CRNKL1: variants seen among roughly 807,000 people sequenced by gnomAD.
CRNKL1 encodes the protein crooked neck pre-mRNA splicing factor 1, also known as crooked neck-like protein 1.
CRNKL1 carries 35 observed loss-of-function variants against 103.7 expected under a neutral mutation model. The ratio of observed to expected loss-of-function variants is 0.34; its 90% CI spans 0.26 to 0.45. The LOEUF is 0.45. Ranked by LOEUF, CRNKL1 falls within the 20% of genes least tolerant of loss-of-function variation. CRNKL1 has a pLI of 1.00. For missense variants in CRNKL1, 645 were observed against 836.0 expected, an observed-to-expected ratio of 0.77 and a Z score of 2.82; for synonymous variants, 267 against 282.6, an observed-to-expected ratio of 0.94 and a Z score of 0.55.
intron 5 of CRNKL1, among the ~76,000 whole-genome samples, chr20:20,046,613 T>C (rs1269413595): frequency 6.6e-6 from 1 of 152,246 alleles, no homozygotes; most frequent in East Asian, 1.9e-4. Flanking sequence ...GAACTCATCC[T>C]GGCAGATTCT....
intron 13 of CRNKL1, 54 bp from the exon 14 acceptor site, chr20:20,036,416 T>A (rs2043420056): frequency 2.6e-6 from 4 of 1,541,630 alleles, no homozygotes; most frequent in Non-Finnish European, 2.7e-6. Flanking sequence ...TACTCACATA[T>A]CAGAGTGAAG....
At chr20:20,052,777 AGG>A (rs1201813006), upstream of CRNKL1, 7 of 1,505,830 alleles carry the variant, frequency 4.6e-6, no homozygotes, top group Non-Finnish European at 6.3e-6. Context: ...CGGGGGAAGA[AGG>A]GAGAGCGAGG....
chr20:20,037,575 T>A lies in CRNKL1; in HGVS notation c.1648-4A>T. On this transcript the variant is annotated splice_polypyrimidine_tract_variant and splice_region_variant and intron_variant, in intron 12 of 13. Coordinates refer to ENST00000536226, the MANE Select transcript of CRNKL1 (RefSeq NM_001278628.2). ...ACTGAGCAAAGCTGATCCATACCTT[T>A]AAAAAAAGTTATTATTGAACCAAAT... 1 of 1,607,600 alleles carries A rather than the reference T, an allele frequency of 6.2e-7. No homozygotes were observed. Among genetic ancestry groups the A allele is most frequent in the Non-Finnish European group, 8.5e-7 (1 of 1,178,138 alleles).
Position 20,036,073 on chromosome 20 carries a change from G to A in CRNKL1, c.*122C>T. Reference sequence around the variant, plus strand: ...GAGCATTTAAAAAATAACTTAAAAAGTAGCCATCAAAGATACCAATCAATT... The same window carrying A: ...GAGCATTTAAAAAATAACTTAAAAAATAGCCATCAAAGATACCAATCAATT... On this transcript the variant is annotated 3_prime_UTR_variant, in exon 14 of 14. Coordinates refer to ENST00000536226, the MANE Select transcript of CRNKL1 (RefSeq NM_001278628.2). 2 of 990,432 alleles carry A rather than the reference G, an allele frequency of 2.0e-6. No homozygotes were observed. The highest frequency in any genetic ancestry group is 2.7e-5 in the East Asian group (1 of 37,716). 61.4% of individuals were successfully genotyped at this position (990,432 alleles called of 1,614,324 possible). A position where few individuals can be genotyped will look rare whatever the true frequency, so the allele number is the denominator to read the frequency against.
At position 20,034,875 on chromosome 20, in the gene CRNKL1, C is replaced by G. The variant is rs2043394797; in HGVS notation, c.*1320G>C. ...TTCCCTTGGGTGAATAAGATGTGCACATTTAATAATAAATTTGCTTACTAA... is the reference window on the plus strand; with the variant it reads ...TTCCCTTGGGTGAATAAGATGTGCAGATTTAATAATAAATTTGCTTACTAA... On this transcript the variant is annotated 3_prime_UTR_variant, in exon 14 of 14. Transcript: ENST00000536226. 6.6e-6 allele frequency: 1 copy of G among 152,174 alleles called. No individual in the cohort carries two copies. The highest frequency in any genetic ancestry group is 2.4e-5 in the African/African-American group (1 of 41,436). 9.4% of individuals were successfully genotyped at this position (152,174 alleles called of 1,614,324 possible). A position where few individuals can be genotyped will look rare whatever the true frequency, so the allele number is the denominator to read the frequency against.
upstream of CRNKL1, chr20:20,052,566 T>C: frequency 6.2e-7 from 1 of 1,613,798 alleles, no homozygotes; most frequent in Non-Finnish European, 8.5e-7. Context: ...GCGCGTGGAG[T>C]GCGGCGTCCT....
chr20:20,036,417 C>CA, intron 13 of CRNKL1, 55 bp from the exon 14 acceptor site: 5 of 1,528,098 alleles, frequency 3.3e-6, no homozygotes, highest in South Asian at 2.3e-5. Context: ...ACTCACATAT[C>CA]AGAGTGAAGA....
chr20:20,035,461 G>A lies in CRNKL1; in HGVS notation c.*734C>T, dbSNP rs2043404946. ...AACTCAACCACTCTGGAGAACTGATGAGCGCCTAACTGAAATTATTAGACT... is the reference window on the plus strand; with the variant it reads ...AACTCAACCACTCTGGAGAACTGATAAGCGCCTAACTGAAATTATTAGACT... On this transcript the variant is annotated 3_prime_UTR_variant, in exon 14 of 14. Coordinates refer to ENST00000536226, the MANE Select transcript of CRNKL1 (RefSeq NM_001278628.2). The A allele has an allele frequency of 6.6e-6, 1 of 152,158 alleles. No homozygotes were observed. The highest frequency in any genetic ancestry group is 2.4e-5 in the African/African-American group (1 of 41,428). 9.4% of individuals were successfully genotyped at this position (152,158 alleles called of 1,614,324 possible).
chr20:20,042,419 A>G lies in CRNKL1; in HGVS notation c.1070T>C (p.Ile357Thr), dbSNP rs1417395346. ...CTCCTGAATGGGTGGGACATTGGCA[A>G]TGGCCCTTTCATAGACTTCTCTCAC... ...EAVREVYERA[I>T]ANVPPIQEKR... Residue 357 changes from isoleucine (I) to threonine (T), a missense_variant, in exon 8 of 14, where the codon ATT (isoleucine) becomes ACT (threonine). This residue lies in a region of CRNKL1 where 582 missense variants were observed against 707.7 expected (regional missense o/e 0.82). Transcript: ENST00000536226. The G allele has an allele frequency of 1.2e-6, 2 of 1,614,046 alleles. No individual in the cohort carries two copies. The highest frequency in any genetic ancestry group is 1.3e-5 in the African/African-American group (1 of 74,936).
intron 4 of CRNKL1, 65 bp downstream of exon 4, chr20:20,048,278 T>C: frequency 6.5e-7 from 1 of 1,547,670 alleles, no homozygotes; most frequent in Non-Finnish European, 8.9e-7. Context: ...GTAAATAAAA[T>C]AAATACAGAA....
In CRNKL1 at chr20:20,045,363, T is replaced by C. The variant is rs1390140552; in HGVS notation, c.746A>G (p.His249Arg). The C allele has an allele frequency of 2.5e-6, 4 of 1,613,892 alleles. No homozygotes were observed. The South Asian group carries it at 3.3e-5, about 13-fold the overall frequency. Residue 249 changes from histidine (H) to arginine (R), a missense_variant, in exon 6 of 14, where the codon CAT (histidine) becomes CGT (arginine). His to Arg is a conservative substitution (Grantham distance 29, BLOSUM62 0). This residue lies in a region of CRNKL1 where 582 missense variants were observed against 707.7 expected (regional missense o/e 0.82). Transcript: ENST00000536226. ...GGCAACATAAAGGTGCTCATCCATA[T>C]GTTCATCTCCAAAGAATTCCACAGC... The part of the protein sequence containing the change: ...ERAVEFFGDE[H>R]MDEHLYVAFA...
Position 20,040,819 on chromosome 20 carries a change from A to G in CRNKL1, c.1225-53T>C, listed in dbSNP as rs112302600. The stretch of plus-strand genomic sequence containing the variant: ...AGCTTAAAAGCCTCATCCAAATTAA[A>G]TTGAATTAAAATTAATTTAAATTAA... On this transcript the variant is annotated intron_variant, in intron 9 of 13. Coordinates refer to ENST00000536226, the MANE Select transcript of CRNKL1 (RefSeq NM_001278628.2). 31 of 1,230,260 alleles carry G rather than the reference A, an allele frequency of 2.5e-5. 2 individuals carry two copies. The highest frequency in any genetic ancestry group is 2.1e-4 in the African/African-American group (14 of 66,350). The allele number at this position is 1,230,260 out of a possible 1,614,324, so 76.2% of individuals were successfully genotyped here. A position where few individuals can be genotyped will look rare whatever the true frequency, so the allele number is the denominator to read the frequency against.
At chr20:20,046,882 G>T (rs1228837334) in intron 5 of CRNKL1, among the ~76,000 whole-genome samples, 4 of 152,220 alleles carry the variant, frequency 2.6e-5, no homozygotes, top group African/African-American at 9.6e-5. Flanking sequence ...TACTGATTTT[G>T]GGGGTTACAA....
At chr20:20,048,024 T>A in intron 4 of CRNKL1, 93 bp from the exon 5 acceptor site, 5 of 1,339,952 alleles carry the variant, frequency 3.7e-6, no homozygotes, top group Non-Finnish European at 5.1e-6. Context: ...TCTTAAAGGT[T>A]AAATCAAACA....
chr20:20,045,884 T>C (rs954633314), intron 5 of CRNKL1, among the ~76,000 whole-genome samples: 1 of 151,990 alleles, frequency 6.6e-6, no homozygotes, highest in Non-Finnish European at 1.5e-5. Flanking sequence ...AATGAGAAAA[T>C]GTATGTAAAG....
upstream of CRNKL1, among the ~76,000 whole-genome samples, chr20:20,055,349 G>C (rs954926436): frequency 1.3e-5 from 2 of 152,080 alleles, no homozygotes; most frequent in African/African-American, 4.8e-5. Context: ...CAGTATTTTT[G>C]CTTTATTTTC....
Position 20,037,469 on chromosome 20 carries a change from A to G in CRNKL1, c.1750T>C (p.Cys584Arg), listed in dbSNP as rs760815482. ...YEEANKTMRN[C>R]EEKEERLMLL... ...ATAAGTCTCTCTTCCTTTTCTTCAC[A>G]GTTTCGCATGGTTTTGTTAGCTTCT... The change falls in exon 13 of 14, where the codon TGT (cysteine) becomes CGT (arginine). Residue 584 changes from cysteine (C) to arginine (R), a missense_variant. Physicochemically the swap from Cys to Arg is radical, Grantham distance 180. Coordinates refer to ENST00000536226, the MANE Select transcript of CRNKL1 (RefSeq NM_001278628.2). 11 of 1,614,024 alleles carry G rather than the reference A, an allele frequency of 6.8e-6. No homozygotes were observed. In the East Asian group the frequency reaches 1.3e-4, roughly 20 times the overall value.
chr20:20,041,707 T>C (rs1600246192), intron 8 of CRNKL1, 82 bp from the exon 9 acceptor site: 2 of 1,017,836 alleles, frequency 2.0e-6, no homozygotes, highest in Non-Finnish European at 3.1e-6. Flanking sequence ...TTTACTGATA[T>C]TGGTAAAAAT....
At chr20:20,055,705 G>A (rs1041954630), upstream of CRNKL1, among the ~76,000 whole-genome samples, 4 of 152,136 alleles carry the variant, frequency 2.6e-5, no homozygotes, top group African/African-American at 4.8e-5. Context: ...CAAACAAGAT[G>A]TCTCATTCCA....
Sources: gnomAD v4.1 joint callset for allele counts (sites outside exome capture counted in the v4.1 genomes callset) on GRCh38, gnomAD v4.1.1 for gene constraint, gnomAD v4.1.1 regional missense constraint, MANE v1.5 for transcripts, NCBI Gene and HGNC (gene_info 2026-07-23, HGNC 2026-07-21) for gene names.